The following DENND1B variants were observed in gnomAD, a reference collection of about 807,000 sequenced individuals.
The protein encoded by DENND1B is DENN domain-containing protein 1B.
A neutral mutation model predicts 90.1 loss-of-function variants in DENND1B; 59 were observed. That is an observed-to-expected ratio of 0.65 (90% CI 0.53 to 0.81). DENND1B has a LOEUF of 0.81. Ranked by LOEUF, DENND1B falls within the 40% of genes least tolerant of loss-of-function variation. DENND1B has a pLI of 0.00. For synonymous variants in DENND1B, 337 were observed against 324.6 expected (o/e 1.04, Z -0.41); for missense variants, 862 against 912.6 (o/e 0.94, Z 0.71).
chr1:197,758,913 G>C (rs1228334942), intron 2 of DENND1B, among the ~76,000 whole-genome samples: 1 of 143,980 alleles, frequency 6.9e-6, no homozygotes, highest in Non-Finnish European at 1.5e-5. Context: ...ACACTAATTA[G>C]AATAAGAAAA....
Position 197,551,097 on chromosome 1 carries a change from ACACACACACACACACC to A in DENND1B, c.1240+1909_1240+1924del, listed in dbSNP as rs1268555806. Among the ~76,000 whole-genome samples, 7 of 80,742 alleles carry A rather than the reference ACACACACACACACACC, an allele frequency of 8.7e-5. No homozygotes were observed. In the Admixed American group the frequency reaches 9.9e-4, roughly 11 times the overall value. 53.0% of individuals were successfully genotyped at this position (80,742 alleles called of 152,430 possible). Reference sequence around the variant, plus strand: ...TTTATAAACACACACACACACACACACACACACACACACACCCCCTAGATAGATGGATATCTTCTAA... The same window carrying A: ...TTTATAAACACACACACACACACACACCCTAGATAGATGGATATCTTCTAA... On this transcript the variant is annotated intron_variant, in intron 16 of 22. Transcript: ENST00000620048.
chr1:197,571,491 C>G (rs1226160177), intron 15 of DENND1B, among the ~76,000 whole-genome samples: 1 of 152,196 alleles, frequency 6.6e-6, no homozygotes, highest in African/African-American at 2.4e-5. Context: ...TATCTCAAAA[C>G]TGATTCCTTC....
At chr1:197,607,594 C>T (rs1676804070) in intron 12 of DENND1B, among the ~76,000 whole-genome samples, 1 of 150,724 alleles carries the variant, frequency 6.6e-6, no homozygotes. Flanking sequence ...ACTATGACTA[C>T]AGCATTAAAC....
At position 197,512,914 on chromosome 1, in the gene DENND1B, G is replaced by A; in HGVS notation, c.1555C>T (p.Leu519=). The A allele has an allele frequency of 2.5e-6, 4 of 1,610,462 alleles. No individual in the cohort carries two copies. The highest frequency in any genetic ancestry group is 3.4e-6 in the Non-Finnish European group (4 of 1,177,938). Residue 519 remains leucine, a synonymous_variant, in exon 21 of 23, where the codon CTA becomes TTA. Coordinates refer to ENST00000620048, the MANE Select transcript of DENND1B (RefSeq NM_001195215.2). ...TCATCATCATCTTCATCATCATATA[G>A]AGCACCATCAAGGCTCTTAAGAGGC... ...KRPLKSLDGA[L]YDDEDDDDIE...
intron 20 of DENND1B, among the ~76,000 whole-genome samples, chr1:197,522,379 G>A (rs1256393143): frequency 6.6e-6 from 1 of 152,036 alleles, no homozygotes; most frequent in Non-Finnish European, 1.5e-5. Flanking sequence ...ACTGCTATGT[G>A]AGACTAGGTC....
intron 10 of DENND1B, among the ~76,000 whole-genome samples, chr1:197,640,612 G>GA (rs1353629140): frequency 1.2e-4 from 18 of 151,768 alleles, no homozygotes; most frequent in African/African-American, 2.4e-4. Flanking sequence ...ATGAGATTAA[G>GA]GCTACTATTG....
intron 2 of DENND1B, among the ~76,000 whole-genome samples, chr1:197,733,247 T>C (rs1352010624): frequency 1.3e-5 from 2 of 152,182 alleles, no homozygotes; most frequent in African/African-American, 4.8e-5. Flanking sequence ...TTATGAAGTT[T>C]AAACACCTAT....
chr1:197,777,074 A>G (rs140849709), upstream of DENND1B, among the ~76,000 whole-genome samples: 22 of 152,186 alleles, frequency 1.4e-4, no homozygotes, highest in East Asian at 9.7e-4. Flanking sequence ...ATTTTTCTGC[A>G]TAAGTGACCA....
intron 2 of DENND1B, among the ~76,000 whole-genome samples, chr1:197,744,520 G>C (rs1431093159): frequency 6.6e-6 from 1 of 152,150 alleles, no homozygotes; most frequent in Non-Finnish European, 1.5e-5. Context: ...CTAAGCAGTA[G>C]GTCTTAACAG....
intron 20 of DENND1B, among the ~76,000 whole-genome samples, chr1:197,536,139 T>A (rs1157644191): frequency 1.8e-3 from 217 of 121,932 alleles, no homozygotes; most frequent in Middle Eastern, 4.2e-3. Flanking sequence ...AGAGAGAGAT[T>A]GAGAGAGAGA....
intron 17 of DENND1B, 95 bp downstream of exon 17, chr1:197,546,638 C>T: frequency 9.6e-7 from 1 of 1,045,562 alleles, no homozygotes; most frequent in Non-Finnish European, 1.4e-6. Context: ...TCAAATATTT[C>T]AAATAAACAG....
At chr1:197,541,703 G>A (rs1020565526) in intron 18 of DENND1B, among the ~76,000 whole-genome samples, 2 of 152,138 alleles carry the variant, frequency 1.3e-5, no homozygotes, top group Admixed American at 1.3e-4. Context: ...AGGTGAAAAA[G>A]AGGAGAAAAG....
chr1:197,570,851 C>G (rs1427812628), intron 15 of DENND1B, among the ~76,000 whole-genome samples: 1 of 152,006 alleles, frequency 6.6e-6, no homozygotes, highest in Non-Finnish European at 1.5e-5. Flanking sequence ...TTATTTAGCA[C>G]CCAACATTGA....
At chr1:197,555,235 C>T (rs1012403923) in intron 15 of DENND1B, among the ~76,000 whole-genome samples, 2 of 152,022 alleles carry the variant, frequency 1.3e-5, no homozygotes, top group African/African-American at 4.8e-5. Context: ...AAACCTTTCT[C>T]CCTAGAAGAA....
At chr1:197,772,066 T>C (rs1307453864) in intron 2 of DENND1B, among the ~76,000 whole-genome samples, 8 of 152,178 alleles carry the variant, frequency 5.3e-5, no homozygotes, top group African/African-American at 1.9e-4. Flanking sequence ...TTTACCTCCC[T>C]GCAAAAGTGC....
intron 2 of DENND1B, among the ~76,000 whole-genome samples, chr1:197,743,452 T>C (rs902730303): frequency 6.6e-6 from 1 of 152,232 alleles, no homozygotes; most frequent in Non-Finnish European, 1.5e-5. Context: ...CTAACAATCT[T>C]CTGAGCCTTC....
intron 16 of DENND1B, chr1:197,552,111 C>T (rs975543938): frequency 2.2e-5 from 13 of 594,232 alleles, no homozygotes; most frequent in South Asian, 7.5e-5. Flanking sequence ...GTACTTATTA[C>T]GTTTTGTCTT....
chr1:197,687,548 C>T (rs756839294), intron 3 of DENND1B, among the ~76,000 whole-genome samples: 1 of 152,150 alleles, frequency 6.6e-6, no homozygotes, highest in Non-Finnish European at 1.5e-5. Flanking sequence ...ATTTCAGTAA[C>T]TCTTTACTCT....
intron 5 of DENND1B, among the ~76,000 whole-genome samples, chr1:197,669,997 C>A (rs1308964590): frequency 1.3e-5 from 2 of 152,050 alleles, no homozygotes; most frequent in African/African-American, 4.8e-5. Context: ...AAGTTTAGAA[C>A]CGCAGATAAA....
Sources: gnomAD v4.1 joint callset for allele counts (sites outside exome capture counted in the v4.1 genomes callset) on GRCh38, gnomAD v4.1.1 for gene constraint, MANE v1.5 for transcripts, NCBI Gene and HGNC (gene_info 2026-07-23, HGNC 2026-07-21) for gene names.